The following ORAI2 variants were observed in gnomAD, a reference collection of about 807,000 sequenced individuals.
ORAI2 encodes the protein protein orai-2.
Under a neutral mutation model 16.2 loss-of-function variants are expected in ORAI2, and 10 were observed. The ratio of observed to expected loss-of-function variants is 0.62; its 90% CI spans 0.38 to 1.04. The LOEUF is 1.04. Ranked by LOEUF, ORAI2 falls within the 50% of genes least tolerant of loss-of-function variation. ORAI2 has a pLI of 0.01. For synonymous variants in ORAI2, 150 were observed against 157.5 expected, an observed-to-expected ratio of 0.95 and a Z score of 0.35; for missense variants, 238 against 355.5, an observed-to-expected ratio of 0.67 and a Z score of 2.66.
chr7:102,438,978 C>T lies in ORAI2; in HGVS notation c.22C>T (p.Pro8Ser), dbSNP rs1797127520. 12 of 1,613,988 alleles carry T rather than the reference C, an allele frequency of 7.4e-6. No homozygotes were observed. The highest frequency in any genetic ancestry group is 1.0e-5 in the Non-Finnish European group (12 of 1,180,038). ...CACCATGAGTGCTGAGCTTAACGTG[C>T]CTATCGACCCCTCTGCTCCTGCCTG... MSAELNV[P>S]IDPSAPACPE... The change falls in exon 3 of 4, where the codon CCT becomes TCT. Residue 8 changes from proline (P) to serine (S), a missense_variant. Physicochemically the swap from Pro to Ser is moderately conservative, Grantham distance 74. Coordinates refer to ENST00000495936, the MANE Select transcript of ORAI2 (RefSeq NM_001126340.3).
At chr7:102,435,374 G>T (rs1295711725) in intron 1 of ORAI2, among the ~76,000 whole-genome samples, 6 of 152,126 alleles carry the variant, frequency 3.9e-5, no homozygotes, top group African/African-American at 1.2e-4. Flanking sequence ...AAAACACTGG[G>T]ATTACAGGCA....
intron 3 of ORAI2, among the ~76,000 whole-genome samples, chr7:102,443,647 G>T (rs879744160): frequency 6.6e-6 from 1 of 151,992 alleles, no homozygotes; most frequent in Non-Finnish European, 1.5e-5. Flanking sequence ...CGTTTCACAA[G>T]GGCCCCAACT....
intron 2 of ORAI2, among the ~76,000 whole-genome samples, chr7:102,436,877 A>G (rs529685354): frequency 6.6e-6 from 1 of 152,072 alleles, no homozygotes; most frequent in African/African-American, 2.4e-5. Flanking sequence ...CACCTGGCTA[A>G]TTTTTGTATT....
intron 3 of ORAI2, among the ~76,000 whole-genome samples, chr7:102,440,996 G>A (rs1586710703): frequency 6.6e-6 from 1 of 151,878 alleles, no homozygotes; most frequent in South Asian, 2.1e-4. Flanking sequence ...GGATTCAAGC[G>A]ATTCTCCTGC....
intron 1 of ORAI2, among the ~76,000 whole-genome samples, chr7:102,434,454 C>T (rs182628504): frequency 5.3e-5 from 8 of 152,348 alleles, no homozygotes; most frequent in Admixed American, 3.9e-4. Context: ...CAGGGCCTCA[C>T]CGATGGGGCA....
At chr7:102,445,200 T>C (rs1024293795) in intron 3 of ORAI2, among the ~76,000 whole-genome samples, 1 of 64,940 alleles carries the variant, frequency 1.5e-5, no homozygotes, top group Non-Finnish European at 2.6e-5. Context: ...GGAGGCACCA[T>C]GTGGTCTGTC....
At chr7:102,434,121 CAAAAAAAAAAAAA>C (rs55642836) in intron 1 of ORAI2, among the ~76,000 whole-genome samples, 4 of 67,006 alleles carry the variant, frequency 6.0e-5, no homozygotes, top group East Asian at 5.5e-4. Flanking sequence ...CTCATTAAAG[CAAAAAAAAAAAAA>C]AAAAAAAAAA....
At chr7:102,435,962 C>T (rs1352721943) in intron 1 of ORAI2, among the ~76,000 whole-genome samples, 1 of 152,116 alleles carries the variant, frequency 6.6e-6, no homozygotes, top group Non-Finnish European at 1.5e-5. Flanking sequence ...ACTGGGAGGC[C>T]ATGAATTCTG....
At position 102,441,704 on chromosome 7, in the gene ORAI2, G is replaced by A. The variant is rs117522738; in HGVS notation, c.225+2523G>A. On this transcript the variant is annotated intron_variant, in intron 3 of 3. Transcript: ENST00000495936. Reference sequence around the variant, plus strand: ...TTCCCCCAAGTATTTTTGACCTGCGGTTGGTTGAATCTGCAGATGTGGAAC... The same window carrying A: ...TTCCCCCAAGTATTTTTGACCTGCGATTGGTTGAATCTGCAGATGTGGAAC... 3.1e-3 allele frequency among the ~76,000 whole-genome samples: 464 copies of A among 151,866 alleles called. 1 individual carries two copies. The highest frequency in any genetic ancestry group is 0.026 in the East Asian group (132 of 5,176).
chr7:102,444,383 G>A (rs1797288318), intron 3 of ORAI2, among the ~76,000 whole-genome samples: 2 of 151,904 alleles, frequency 1.3e-5, no homozygotes. Flanking sequence ...CTCCCAAGTA[G>A]CTGGGATTAC....
At position 102,447,955 on chromosome 7, in the gene ORAI2, A is replaced by G. The variant is rs6465864; in HGVS notation, c.*903A>G. 0.92 allele frequency: 139,840 copies of G among 152,390 alleles called. 64,222 individuals carry two copies. The highest frequency in any genetic ancestry group is 1 in the East Asian group (5,177 of 5,180). The allele number at this position is 152,390 out of a possible 1,614,324, so 9.4% of individuals were successfully genotyped here. A position where few individuals can be genotyped will look rare whatever the true frequency, so the allele number is the denominator to read the frequency against. On this transcript the variant is annotated 3_prime_UTR_variant, in exon 4 of 4. Coordinates refer to ENST00000495936, the MANE Select transcript of ORAI2 (RefSeq NM_001126340.3). ...AATGGCCTCTAAGGCTGACTCAGCC[A>G]CTCCCTTGGGCTGTGGCAGCAGGAG...
At chr7:102,441,214 G>A (rs1242009566) in intron 3 of ORAI2, among the ~76,000 whole-genome samples, 2 of 151,310 alleles carry the variant, frequency 1.3e-5, no homozygotes, top group African/African-American at 4.9e-5. Flanking sequence ...TCTGTAGGCC[G>A]GAGCCTCAAT....
intron 2 of ORAI2, among the ~76,000 whole-genome samples, chr7:102,438,665 C>G (rs1797120212): frequency 6.6e-6 from 1 of 152,082 alleles, no homozygotes; most frequent in Non-Finnish European, 1.5e-5. Context: ...CCCAGCTACT[C>G]AGGAGACTGA....
Position 102,446,898 on chromosome 7 carries a change from TG to T in ORAI2, c.613del (p.Val205CysfsTer99). ...WQAALVSTII[M>X]VPVGLIFVVF... ...GCCGCCCTGGTGTCCACCATCATCATGGTGCCCGTGGGCCTCATCTTCGTGG... is the reference window on the plus strand; with the variant it reads ...GCCGCCCTGGTGTCCACCATCATCATGTGCCCGTGGGCCTCATCTTCGTGG... On this transcript the variant is annotated frameshift_variant, in exon 4 of 4. Transcript: ENST00000495936. LOFTEE classifies it high-confidence loss of function. 6.2e-7 allele frequency: 1 copy of T among 1,613,412 alleles called. No homozygotes were observed. The highest frequency in any genetic ancestry group is 1.1e-5 in the South Asian group (1 of 91,090).
chr7:102,438,803 A>G (rs1249383509), intron 2 of ORAI2, 141 bp from the exon 3 acceptor site: 1 of 716,508 alleles, frequency 1.4e-6, no homozygotes, highest in African/African-American at 1.8e-5. Context: ...ACATAACTTT[A>G]GGTCCTGGGC....
In ORAI2 at chr7:102,444,557, C is replaced by T. The variant is rs112872425; in HGVS notation, c.226-1956C>T. ...TGCTGGGATTACAGGCATGAGCCAC[C>T]GCACCTGGCCTGAGTTTTGTTGTTT... On this transcript the variant is annotated intron_variant, in intron 3 of 3. Transcript: ENST00000495936. 5.3e-4 allele frequency among the ~76,000 whole-genome samples: 77 copies of T among 145,926 alleles called. 1 individual carries two copies. Among genetic ancestry groups the T allele is most frequent in the African/African-American group, 1.9e-3 (75 of 39,022 alleles).
intron 1 of ORAI2, among the ~76,000 whole-genome samples, chr7:102,435,667 C>G (rs570992202): frequency 6.6e-6 from 1 of 151,244 alleles, no homozygotes; most frequent in South Asian, 2.1e-4. Flanking sequence ...CAGAGTCTCA[C>G]TGTGTCACCC....
chr7:102,439,955 G>T (rs533306902), intron 3 of ORAI2, among the ~76,000 whole-genome samples: 150 of 151,380 alleles, frequency 9.9e-4, no homozygotes, highest in Admixed American at 4.4e-3. Context: ...GGTAGCAGGC[G>T]CCTGTAATCC....
chr7:102,444,583 T>G (rs969461407), intron 3 of ORAI2, among the ~76,000 whole-genome samples: 2 of 149,426 alleles, frequency 1.3e-5, no homozygotes, highest in African/African-American at 5.0e-5. Context: ...TTTGTTGTTT[T>G]TTTTTCTTTA....
Sources: gnomAD v4.1 joint callset for allele counts (sites outside exome capture counted in the v4.1 genomes callset) on GRCh38, gnomAD v4.1.1 for gene constraint, MANE v1.5 for transcripts, NCBI Gene and HGNC (gene_info 2026-07-23, HGNC 2026-07-21) for gene names.